Variants in ACSBG1 observed in about 807,000 individuals in gnomAD.
ACSBG1 encodes the protein acyl-CoA synthetase bubblegum family member 1.
ACSBG1 carries 39 observed loss-of-function variants against 80.2 expected under a neutral mutation model. The observed-to-expected ratio is 0.49, with a 90% CI of 0.38 to 0.64. The LOEUF (loss-of-function observed/expected upper bound fraction) is 0.64, where lower values mean the gene tolerates loss of function less well. Among genes scored for constraint, ACSBG1 ranks in the 30% least tolerant of loss-of-function variants. The pLI is 0.00. For missense variants in ACSBG1, 828 were observed against 966.4 expected, an observed-to-expected ratio of 0.86 and a Z score of 1.90; for synonymous variants, 392 against 379.5, an observed-to-expected ratio of 1.03 and a Z score of -0.38.
At chr15:78,220,182 C>T (rs2141382514) in intron 1 of ACSBG1, among the ~76,000 whole-genome samples, 1 of 152,280 alleles carries the variant, frequency 6.6e-6, no homozygotes, top group African/African-American at 2.4e-5. Context: ...AATCAACTCA[C>T]ATTTAAAGTG....
chr15:78,200,449 C>A (rs113307620), intron 2 of ACSBG1, among the ~76,000 whole-genome samples: 3 of 152,262 alleles, frequency 2.0e-5, no homozygotes, highest in African/African-American at 7.2e-5. Context: ...GGGAAGGAGG[C>A]TGCCCCTGCC....
In ACSBG1 at chr15:78,193,834, G is replaced by A. The variant is rs180872963; in HGVS notation, c.542+98C>T. 51 of 1,481,494 alleles carry A rather than the reference G, an allele frequency of 3.4e-5. No homozygotes were observed. The African/African-American group carries it at 4.9e-4, about 14-fold the overall frequency. The allele number at this position is 1,481,494 out of a possible 1,614,324, so 91.8% of individuals were successfully genotyped here. A position where few individuals can be genotyped will look rare whatever the true frequency, so the allele number is the denominator to read the frequency against. ...CCCCAGGGAGGAGGCAGGATGGTGG[G>A]GAGTGGGTGGGGGCTGCTAAAAAGA... On this transcript the variant is annotated intron_variant, in intron 4 of 13. Coordinates refer to ENST00000258873, the MANE Select transcript of ACSBG1 (RefSeq NM_015162.5).
At chr15:78,199,163 C>A (rs1257198147) in intron 2 of ACSBG1, among the ~76,000 whole-genome samples, 2 of 151,720 alleles carry the variant, frequency 1.3e-5, no homozygotes, top group African/African-American at 2.4e-5. Flanking sequence ...GGGTCTCATT[C>A]TGTCACCCAG....
Position 78,178,955 on chromosome 15 carries a change from T to C in ACSBG1, c.1485-124A>G. ...CTAGAAGGTATCCCCTCACAGGGCTTTTGTATTTTTACAGGGGACTTACAG... is the reference window on the plus strand; with the variant it reads ...CTAGAAGGTATCCCCTCACAGGGCTCTTGTATTTTTACAGGGGACTTACAG... On this transcript the variant is annotated intron_variant, in intron 10 of 13. Coordinates refer to ENST00000258873, the MANE Select transcript of ACSBG1 (RefSeq NM_015162.5). This position sits in a 1 kb window ranked among gnomAD's most constrained non-coding sequence, Gnocchi z 4.3. 1.0e-6 allele frequency: 1 copy of C among 996,546 alleles called. No individual in the cohort carries two copies. The highest frequency in any genetic ancestry group is 1.4e-6 in the Non-Finnish European group (1 of 698,492). 61.7% of individuals were successfully genotyped at this position (996,546 alleles called of 1,614,324 possible).
chr15:78,182,778 T>G lies in ACSBG1; in HGVS notation c.671A>C (p.Lys224Thr), dbSNP rs765373804. 1 of 1,614,204 alleles carries G rather than the reference T, an allele frequency of 6.2e-7. No homozygotes were observed. The highest frequency in any genetic ancestry group is 8.5e-7 in the Non-Finnish European group (1 of 1,180,040). Residue 224 changes from lysine (K) to threonine (T), a missense_variant, in exon 6 of 14, where the codon AAA becomes ACA. This residue lies in a region of ACSBG1 where 356 missense variants were observed against 363.5 expected (regional missense o/e 0.98). Transcript: ENST00000258873. ...GACTGCCTTTAGATGTGGCAACTGTTTCCAGATCTGCATTGACAGGAAAAA... is the reference window on the plus strand; with the variant it reads ...GACTGCCTTTAGATGTGGCAACTGTGTCCAGATCTGCATTGACAGGAAAAA... ...KQLEKILKIW[K>T]QLPHLKAVVI... is the part of the protein sequence containing the mutation.
At position 78,200,365 on chromosome 15, in the gene ACSBG1, T is replaced by G. The variant is rs143600788; in HGVS notation, c.233-5639A>C. 8.5e-3 allele frequency among the ~76,000 whole-genome samples: 1,297 copies of G among 152,110 alleles called. 5 individuals carry two copies. The highest frequency in any genetic ancestry group is 0.014 in the Non-Finnish European group (962 of 67,970). On this transcript the variant is annotated intron_variant, in intron 2 of 13. Coordinates refer to ENST00000258873, the MANE Select transcript of ACSBG1 (RefSeq NM_015162.5). ...CTGGCCAGCTGCATGACCCAGCCCT[T>G]TCTCTGCACAAGCTCAGCTGAGCCA... is the stretch of plus-strand genomic sequence containing the variant.
intron 5 of ACSBG1, among the ~76,000 whole-genome samples, chr15:78,191,431 A>G (rs1392760003): frequency 1.3e-5 from 2 of 152,162 alleles, no homozygotes; most frequent in East Asian, 3.8e-4. Context: ...CATTTATAGA[A>G]CCTTCTAGCC....
chr15:78,209,373 C>T, intron 1 of ACSBG1: 1 of 418,596 alleles, frequency 2.4e-6, no homozygotes, highest in Non-Finnish European at 4.8e-6. Flanking sequence ...AGGCCTGGGC[C>T]ACAGGCCTGG....
At chr15:78,215,401 A>C (rs2075299151) in intron 1 of ACSBG1, among the ~76,000 whole-genome samples, 1 of 152,202 alleles carries the variant, frequency 6.6e-6, no homozygotes, top group African/African-American at 2.4e-5. Flanking sequence ...TCATGCCTGT[A>C]ATCCCAACAC....
At chr15:78,180,536 T>A (rs1273082308) in intron 9 of ACSBG1, among the ~76,000 whole-genome samples, 2 of 152,028 alleles carry the variant, frequency 1.3e-5, no homozygotes, top group African/African-American at 4.8e-5. Context: ...AAGTTACTCC[T>A]CCCAGTCAGA....
chr15:78,179,832 C>CAA (rs2074923745), intron 9 of ACSBG1, 52 bp from the exon 10 acceptor site: 1 of 1,316,734 alleles, frequency 7.6e-7, no homozygotes, highest in African/African-American at 1.4e-5. Flanking sequence ...CACACACACA[C>CAA]ACACACACAC....
chr15:78,234,275 C>T (rs548291104), intron 1 of ACSBG1, 96 bp downstream of exon 1: 11 of 1,502,922 alleles, frequency 7.3e-6, no homozygotes, highest in Non-Finnish European at 9.9e-6. Context: ...AACTGAGGCT[C>T]AGAGAGAGAA....
intron 1 of ACSBG1, among the ~76,000 whole-genome samples, chr15:78,225,357 C>A (rs991353823): frequency 6.6e-6 from 1 of 150,872 alleles, no homozygotes; most frequent in African/African-American, 2.4e-5. Flanking sequence ...GCCGAGATCA[C>A]GGCATTGCAC....
chr15:78,212,674 C>T (rs1567094976), intron 1 of ACSBG1: 4 of 445,600 alleles, frequency 9.0e-6, no homozygotes, highest in Non-Finnish European at 1.8e-5. Flanking sequence ...GTCACGGAGT[C>T]CCCCCGGGAG....
At chr15:78,174,661 G>T in intron 11 of ACSBG1, 137 bp from the exon 12 acceptor site, 1 of 1,089,224 alleles carries the variant, frequency 9.2e-7, no homozygotes. Context: ...AAGAAGCAGT[G>T]GCAGGCCCTC....
rs1288227179 is a variant in ACSBG1, at chr15:78,170,385, C to T, written c.*1059G>A. ...ATTTTTTTTTTTTTAGCAATGATAT[C>T]CCTGTCTGGGTCACTTTTTAAGCTT... On this transcript the variant is annotated 3_prime_UTR_variant, in exon 14 of 14. Transcript: ENST00000258873. 3.3e-5 allele frequency: 5 copies of T among 151,404 alleles called. No homozygotes were observed. Among genetic ancestry groups the T allele is most frequent in the African/African-American group, 4.9e-5 (2 of 41,092 alleles). 9.4% of individuals were successfully genotyped at this position (151,404 alleles called of 1,614,324 possible). A position where few individuals can be genotyped will look rare whatever the true frequency, so the allele number is the denominator to read the frequency against.
chr15:78,200,809 G>C (rs1288213427), intron 2 of ACSBG1, among the ~76,000 whole-genome samples: 1 of 152,178 alleles, frequency 6.6e-6, no homozygotes, highest in African/African-American at 2.4e-5. Context: ...GAGTGACCTT[G>C]CTAAATCCAG....
At chr15:78,195,302 G>A (rs1184818133) in intron 2 of ACSBG1, among the ~76,000 whole-genome samples, 1 of 152,150 alleles carries the variant, frequency 6.6e-6, no homozygotes, top group Non-Finnish European at 1.5e-5. Context: ...TCACAGCATG[G>A]GTTTGGAGAG....
intron 5 of ACSBG1, among the ~76,000 whole-genome samples, chr15:78,192,133 G>A (rs974185508): frequency 5.3e-5 from 8 of 152,062 alleles, no homozygotes; most frequent in Non-Finnish European, 7.4e-5. Context: ...TGGGTGATGC[G>A]TCTACAAGCC....
Sources: allele counts gnomAD v4.1 joint callset (sites outside exome capture counted in the v4.1 genomes callset), GRCh38; gene constraint gnomAD v4.1.1; regional missense constraint gnomAD v4.1.1; non-coding constraint Gnocchi (gnomAD v3.1); transcripts MANE v1.5; gene names NCBI Gene and HGNC (gene_info 2026-07-23, HGNC 2026-07-21).